Variants in DBT observed in about 807,000 individuals in gnomAD.
DBT encodes the protein dihydrolipoamide branched chain transacylase E2.
Under a neutral mutation model 51.3 loss-of-function variants are expected in DBT, and 40 were observed. That is an observed-to-expected ratio of 0.78 (90% CI 0.61 to 1.02). The LOEUF (loss-of-function observed/expected upper bound fraction) is 1.02. Ranked by LOEUF, DBT falls within the 50% of genes least tolerant of loss-of-function variation. The pLI, the probability that DBT is intolerant of heterozygous loss-of-function variation, is 0.00. For synonymous variants in DBT, 181 were observed against 190.4 expected (o/e 0.95, Z 0.41); for missense variants, 510 against 580.2 (o/e 0.88, Z 1.24).
chr1:100,248,155 G>A (rs934825606), intron 1 of DBT, among the ~76,000 whole-genome samples: 2 of 151,688 alleles, frequency 1.3e-5, no homozygotes, highest in Non-Finnish European at 2.9e-5. Context: ...GCTAGCCGGG[G>A]CCATGTAACA....
Position 100,223,344 on chromosome 1 carries a change from G to A in DBT, c.434-4597C>T, listed in dbSNP as rs1342705711. On this transcript the variant is annotated intron_variant, in intron 4 of 10. Coordinates refer to ENST00000370132, the MANE Select transcript of DBT (RefSeq NM_001918.5). ...CACATCAGCTGTAAAGACAACTCGA[G>A]GTAACACAATTTAAACTGAGTTGGT... Among the ~76,000 whole-genome samples, 3 of 152,146 alleles carry A rather than the reference G, an allele frequency of 2.0e-5. No individual in the cohort carries two copies. The East Asian group carries it at 5.8e-4, about 29-fold the overall frequency.
intron 4 of DBT, among the ~76,000 whole-genome samples, chr1:100,219,890 A>C (rs564353763): frequency 6.6e-6 from 1 of 152,250 alleles, no homozygotes; most frequent in African/African-American, 2.4e-5. Context: ...CACACCTGTA[A>C]TCCCAACACT....
chr1:100,249,064 G>A (rs1357958350), intron 1 of DBT: 4 of 984,982 alleles, frequency 4.1e-6, no homozygotes, highest in Non-Finnish European at 4.8e-6. Context: ...TTGTAAGATC[G>A]GGGTCACCAA....
intron 4 of DBT, among the ~76,000 whole-genome samples, chr1:100,220,180 C>A (rs1662767521): frequency 6.6e-6 from 1 of 151,928 alleles, no homozygotes; most frequent in Non-Finnish European, 1.5e-5. Context: ...ACTGCTGTGG[C>A]TAATGCTAAT....
At chr1:100,235,413 G>C (rs1276949086) in intron 3 of DBT, 23 bp downstream of exon 3, 4 of 1,170,714 alleles carry the variant, frequency 3.4e-6, no homozygotes, top group Non-Finnish European at 5.1e-6. Flanking sequence ...ATTTACTTAA[G>C]AGCTTTTTTC....
chr1:100,242,361 T>C (rs1169184305), intron 1 of DBT, among the ~76,000 whole-genome samples: 1 of 152,186 alleles, frequency 6.6e-6, no homozygotes, highest in Non-Finnish European at 1.5e-5. Context: ...AGTAAAAGTT[T>C]GGTTTACTGA....
At chr1:100,219,875 T>C (rs185113362) in intron 4 of DBT, among the ~76,000 whole-genome samples, 18 of 152,330 alleles carry the variant, frequency 1.2e-4, no homozygotes, top group Middle Eastern at 3.4e-3. Flanking sequence ...CTGGGCATGG[T>C]TGCTCACACC....
chr1:100,200,280 A>G (rs945683968), intron 10 of DBT, among the ~76,000 whole-genome samples: 53 of 152,172 alleles, frequency 3.5e-4, no homozygotes, highest in African/African-American at 1.2e-3. Context: ...CAGTGTAAAT[A>G]AAGCCACAGG....
intron 4 of DBT, among the ~76,000 whole-genome samples, chr1:100,223,134 A>G (rs1026312487): frequency 2.6e-5 from 4 of 152,208 alleles, no homozygotes; most frequent in Non-Finnish European, 2.9e-5. Context: ...TGCATAATCA[A>G]AAAAGCTTAC....
intron 1 of DBT, among the ~76,000 whole-genome samples, chr1:100,245,928 G>A (rs534916165): frequency 5.9e-5 from 9 of 151,414 alleles, no homozygotes; most frequent in African/African-American, 1.9e-4. Flanking sequence ...CTCCAGCCTG[G>A]GCAACAGAGC....
intron 10 of DBT, 86 bp downstream of exon 10, chr1:100,206,144 G>T: frequency 1.1e-6 from 1 of 885,348 alleles, no homozygotes; most frequent in Non-Finnish European, 1.9e-6. Context: ...ACAAAAGGAG[G>T]GGAAACCTTA....
rs1557944011 is a variant in DBT at position 100,206,309 on chromosome 1, TTAA to T, written c.1210-11_1210-9del. 1.1e-5 allele frequency: 16 copies of T among 1,449,408 alleles called. No individual in the cohort carries two copies. The highest frequency in any genetic ancestry group is 1.4e-5 in the Non-Finnish European group (15 of 1,047,932). 89.8% of individuals were successfully genotyped at this position (1,449,408 alleles called of 1,614,324 possible). A position where few individuals can be genotyped will look rare whatever the true frequency, so the allele number is the denominator to read the frequency against. On this transcript the variant is annotated splice_polypyrimidine_tract_variant and intron_variant, in intron 9 of 10. Transcript: ENST00000370132. ...GGCAAAGGTACCACCAATCTATTTT[TTAA>T]AAAAAAAAAAAGGAGAGTATTAAAA...
chr1:100,194,396 G>A lies in DBT; in HGVS notation c.*1859C>T, dbSNP rs1395871449. 6.6e-6 allele frequency: 1 copy of A among 151,562 alleles called. No individual in the cohort carries two copies. The highest frequency in any genetic ancestry group is 1.5e-5 in the Non-Finnish European group (1 of 68,122). The allele number at this position is 151,562 out of a possible 1,614,324, so 9.4% of individuals were successfully genotyped here. A position where few individuals can be genotyped will look rare whatever the true frequency, so the allele number is the denominator to read the frequency against. On this transcript the variant is annotated 3_prime_UTR_variant, in exon 11 of 11. Coordinates refer to ENST00000370132, the MANE Select transcript of DBT (RefSeq NM_001918.5). ...TCTGCCACCCAGGCTGGAGTGCAGT[G>A]GTGTGATCTCTGCTCACTGTAACCT...
intron 4 of DBT, among the ~76,000 whole-genome samples, chr1:100,229,929 A>C (rs531203617): frequency 5.2e-4 from 79 of 152,350 alleles, no homozygotes; most frequent in African/African-American, 1.9e-3. Context: ...TGTAAGTCCC[A>C]TGGTTGCTGC....
chr1:100,220,451 A>C (rs1200804897), intron 4 of DBT, among the ~76,000 whole-genome samples: 1 of 152,182 alleles, frequency 6.6e-6, no homozygotes, highest in Non-Finnish European at 1.5e-5. Context: ...GGTAAATAAA[A>C]ATCTTCTACT....
intron 1 of DBT, among the ~76,000 whole-genome samples, chr1:100,241,149 T>C (rs1247782991): frequency 6.6e-6 from 1 of 152,134 alleles, no homozygotes; most frequent in African/African-American, 2.4e-5. Context: ...CTAAAACTAC[T>C]AAAGAATTCT....
chr1:100,231,155 T>C (rs1296123460), intron 3 of DBT, among the ~76,000 whole-genome samples: 2 of 152,230 alleles, frequency 1.3e-5, no homozygotes, highest in Non-Finnish European at 2.9e-5. Context: ...AAAAATTTAA[T>C]TAAACTCTCA....
intron 1 of DBT, among the ~76,000 whole-genome samples, chr1:100,241,354 G>A (rs1664192847): frequency 7.0e-6 from 1 of 142,798 alleles, no homozygotes; most frequent in South Asian, 2.3e-4. Context: ...AAACCTAAGT[G>A]TCTGAAAGGT....
intron 2 of DBT, among the ~76,000 whole-genome samples, chr1:100,237,737 A>G (rs760901600): frequency 5.9e-5 from 9 of 152,114 alleles, no homozygotes; most frequent in African/African-American, 2.2e-4. Flanking sequence ...CCTGGGCTCA[A>G]GTGATCCTCC....
Sources: gnomAD v4.1 joint callset for allele counts (sites outside exome capture counted in the v4.1 genomes callset) on GRCh38, gnomAD v4.1.1 for gene constraint, MANE v1.5 for transcripts, NCBI Gene and HGNC (gene_info 2026-07-23, HGNC 2026-07-21) for gene names.